PTRH2: variants seen among roughly 807,000 people sequenced by gnomAD.
The protein encoded by PTRH2 is peptidyl-tRNA hydrolase 2.
Under a neutral mutation model 12.3 loss-of-function variants are expected in PTRH2, and 10 were observed. That is an observed-to-expected ratio of 0.81 (90% CI 0.50 to 1.38). PTRH2 has a LOEUF of 1.38. PTRH2 is among the 40% of genes most tolerant of loss of function. PTRH2 has a pLI of 0.00. For synonymous variants in PTRH2, 73 were observed against 77.4 expected (o/e 0.94, Z 0.30); for missense variants, 176 against 214.1 (o/e 0.82, Z 1.11).
chr17:59,703,413 C>T (rs2143648629), intron 1 of PTRH2, among the ~76,000 whole-genome samples: 1 of 152,166 alleles, frequency 6.6e-6, no homozygotes, highest in African/African-American at 2.4e-5. Flanking sequence ...AATTATGATC[C>T]CCATTTTTCG....
At chr17:59,698,705 A>T (rs573219455) in intron 1 of PTRH2, 74 of 576,508 alleles carry the variant, frequency 1.3e-4, no homozygotes, top group African/African-American at 1.2e-3. Flanking sequence ...CACCTACAGA[A>T]TATCATGACT....
At chr17:59,706,754 A>C (rs1188226646) in intron 1 of PTRH2, among the ~76,000 whole-genome samples, 3 of 148,904 alleles carry the variant, frequency 2.0e-5, no homozygotes, top group Admixed American at 2.0e-4. Context: ...GCTCACTGCA[A>C]CCTCCGCCTC....
At chr17:59,701,580 A>G (rs1038154686) in intron 1 of PTRH2, among the ~76,000 whole-genome samples, 6 of 152,234 alleles carry the variant, frequency 3.9e-5, no homozygotes, top group African/African-American at 1.4e-4. Flanking sequence ...TAAGGGATAC[A>G]GGAGTGCACA....
chr17:59,706,301 A>G (rs1170816820), intron 1 of PTRH2, among the ~76,000 whole-genome samples: 2 of 152,148 alleles, frequency 1.3e-5, no homozygotes, highest in South Asian at 2.1e-4. Flanking sequence ...AACCCATTTC[A>G]GTAGTGCTCT....
chr17:59,704,816 T>C (rs919024428), intron 1 of PTRH2, among the ~76,000 whole-genome samples: 3 of 151,986 alleles, frequency 2.0e-5, no homozygotes, highest in Non-Finnish European at 4.4e-5. Flanking sequence ...TAAGACGGCA[T>C]CTCACTTTGT....
intron 1 of PTRH2, among the ~76,000 whole-genome samples, chr17:59,705,703 A>G (rs1295082656): frequency 6.6e-6 from 1 of 152,198 alleles, no homozygotes; most frequent in Non-Finnish European, 1.5e-5. Context: ...TCTCGAGTCC[A>G]GTTCAAAACC....
intron 1 of PTRH2, among the ~76,000 whole-genome samples, chr17:59,703,882 A>G (rs1375154429): frequency 2.0e-5 from 3 of 149,652 alleles, no homozygotes; most frequent in Non-Finnish European, 4.4e-5. Context: ...ATCTTGGTTC[A>G]CTGCAACCTC....
At chr17:59,701,839 C>T (rs187224996) in intron 1 of PTRH2, among the ~76,000 whole-genome samples, 18 of 151,860 alleles carry the variant, frequency 1.2e-4, no homozygotes, top group Middle Eastern at 3.4e-3. Context: ...CCTACAGGCA[C>T]CCACCATCAC....
chr17:59,703,810 C>T (rs2033595861), intron 1 of PTRH2, among the ~76,000 whole-genome samples: 1 of 149,216 alleles, frequency 6.7e-6, no homozygotes, highest in Non-Finnish European at 1.5e-5. Flanking sequence ...CCTGCCGAGC[C>T]CTTGTTCTTT....
At chr17:59,705,563 G>A (rs2033626066) in intron 1 of PTRH2, among the ~76,000 whole-genome samples, 1 of 152,024 alleles carries the variant, frequency 6.6e-6, no homozygotes, top group African/African-American at 2.4e-5. Context: ...GGGACTACAG[G>A]TGCATGCCAC....
At chr17:59,700,162 G>A (rs990686601) in intron 1 of PTRH2, 1 of 152,224 alleles carries the variant, frequency 6.6e-6, no homozygotes. Context: ...GTCGGAGACT[G>A]TCCATACTGA....
Position 59,697,384 on chromosome 17 carries a change from T to TCTGA in PTRH2, c.*51_*54dup. The TCTGA allele has an allele frequency of 6.6e-7, 1 of 1,504,492 alleles. No homozygotes were observed. The highest frequency in any genetic ancestry group is 9.0e-7 in the Non-Finnish European group (1 of 1,115,014). The allele number at this position is 1,504,492 out of a possible 1,614,324, so 93.2% of individuals were successfully genotyped here. A position where few individuals can be genotyped will look rare whatever the true frequency, so the allele number is the denominator to read the frequency against. ...AGAAATTCAGCTTTTGTTGTTAGAA[T>TCTGA]CTGACAGGCTTCAAACACTTGTGAT... On this transcript the variant is annotated 3_prime_UTR_variant, in exon 2 of 2. Transcript: ENST00000393038.
Position 59,697,420 on chromosome 17 carries a change from T to C in PTRH2, c.*19A>G. 6.3e-7 allele frequency: 1 copy of C among 1,590,110 alleles called. No individual in the cohort carries two copies. Among genetic ancestry groups the C allele is most frequent in the Non-Finnish European group, 8.6e-7 (1 of 1,164,576 alleles). On this transcript the variant is annotated 3_prime_UTR_variant, in exon 2 of 2. Transcript: ENST00000393038. ...TCAAACACTTGTGATGGAGGGGTTGTTGTCATATCAAAGTCCACCTAGTAA... is the reference window on the plus strand; with the variant it reads ...TCAAACACTTGTGATGGAGGGGTTGCTGTCATATCAAAGTCCACCTAGTAA...
At chr17:59,703,214 G>A (rs982404375) in intron 1 of PTRH2, among the ~76,000 whole-genome samples, 1 of 151,884 alleles carries the variant, frequency 6.6e-6, no homozygotes, top group African/African-American at 2.4e-5. Context: ...TAAGACACAG[G>A]GGTTTCATTA....
intron 1 of PTRH2, among the ~76,000 whole-genome samples, chr17:59,704,755 C>T (rs2033610293): frequency 6.6e-6 from 1 of 152,088 alleles, no homozygotes; most frequent in South Asian, 2.1e-4. Context: ...AGTGCCTTTA[C>T]AGCCCCCACC....
chr17:59,697,928 G>T lies in PTRH2; in HGVS notation c.51C>A (p.Leu17=). The change falls in exon 2 of 2, where the codon CTC becomes CTA. Residue 17 remains leucine, a synonymous_variant. Coordinates refer to ENST00000393038, the MANE Select transcript of PTRH2 (RefSeq NM_016077.5). ...CACAAGCAACTCCAACAGCCAAGCC[G>T]AGTGTACTGGGATGAGCCAAATATT... The part of the protein sequence containing the change: ...VMEYLAHPST[L]GLAVGVACGM... 1 of 1,613,938 alleles carries T rather than the reference G, an allele frequency of 6.2e-7. No homozygotes were observed. Among genetic ancestry groups the T allele is most frequent in the Non-Finnish European group, 8.5e-7 (1 of 1,180,024 alleles).
At chr17:59,698,881 C>T in intron 1 of PTRH2, 1 of 716,564 alleles carries the variant, frequency 1.4e-6, no homozygotes, top group Non-Finnish European at 2.6e-6. Flanking sequence ...CATTAATTTA[C>T]ACAGCTGAAA....
At chr17:59,705,909 CAA>C (rs34174073) in intron 1 of PTRH2, among the ~76,000 whole-genome samples, 70 of 100,006 alleles carry the variant, frequency 7.0e-4, no homozygotes, top group Admixed American at 5.4e-3. Context: ...ACCCTGTCTC[CAA>C]AAAAAAAAAA....
chr17:59,703,194 C>A (rs1321535787), intron 1 of PTRH2, among the ~76,000 whole-genome samples: 1 of 148,298 alleles, frequency 6.7e-6, no homozygotes, highest in East Asian at 2.0e-4. Flanking sequence ...TAAAAAAAAA[C>A]TTTTTTTTTT....
Sources: allele counts gnomAD v4.1 joint callset (sites outside exome capture counted in the v4.1 genomes callset), GRCh38; gene constraint gnomAD v4.1.1; transcripts MANE v1.5; gene names NCBI Gene and HGNC (gene_info 2026-07-23, HGNC 2026-07-21).